HIVEP3: variants seen among roughly 807,000 people sequenced by gnomAD.
The protein encoded by HIVEP3 is HIVEP zinc finger 3.
Under a neutral mutation model 152.8 loss-of-function variants are expected in HIVEP3, and 49 were observed. The observed-to-expected ratio is 0.32, with a 90% confidence interval of 0.26 to 0.41. The LOEUF (loss-of-function observed/expected upper bound fraction) is 0.41, where lower values mean the gene tolerates loss of function less well. HIVEP3 is among the 10% of genes least tolerant of loss of function. HIVEP3 has a pLI of 1.00. For synonymous variants in HIVEP3, 1,269 were observed against 1,289.0 expected, an observed-to-expected ratio of 0.98 and a Z score of 0.33; for missense variants, 2,790 against 3,103.3, an observed-to-expected ratio of 0.90 and a Z score of 2.40.
intron 1 of HIVEP3, among the ~76,000 whole-genome samples, chr1:41,970,540 G>A (rs1324996229): frequency 1.3e-5 from 2 of 152,160 alleles, no homozygotes; most frequent in African/African-American, 4.8e-5. Flanking sequence ...GTTGAGGGGA[G>A]AGAGGCAGGG....
intron 1 of HIVEP3, among the ~76,000 whole-genome samples, chr1:41,719,560 T>A (rs971349984): frequency 6.6e-6 from 1 of 152,256 alleles, no homozygotes; most frequent in Admixed American, 6.5e-5. Context: ...GAGCAGATGT[T>A]CCTGAACTAG....
chr1:41,970,903 A>G (rs1265291322), intron 1 of HIVEP3, among the ~76,000 whole-genome samples: 1 of 152,186 alleles, frequency 6.6e-6, no homozygotes, highest in Non-Finnish European at 1.5e-5. Flanking sequence ...TCCTTGCCCT[A>G]CAGGTTTCAG....
At chr1:41,882,996 G>C (rs181955920) in intron 1 of HIVEP3, among the ~76,000 whole-genome samples, 274 of 152,172 alleles carry the variant, frequency 1.8e-3, no homozygotes, top group African/African-American at 6.4e-3. Flanking sequence ...CTGTCTAGGA[G>C]CGGGGAGCCA....
intron 1 of HIVEP3, among the ~76,000 whole-genome samples, chr1:41,981,283 T>C (rs1365246775): frequency 6.6e-6 from 1 of 152,264 alleles, no homozygotes; most frequent in East Asian, 1.9e-4. Flanking sequence ...ACACCTAAAA[T>C]AGCCCTATAG....
At chr1:42,014,876 G>A (rs890647708) in intron 1 of HIVEP3, among the ~76,000 whole-genome samples, 5 of 152,174 alleles carry the variant, frequency 3.3e-5, no homozygotes, top group Non-Finnish European at 7.3e-5. Flanking sequence ...AACTCTGAGT[G>A]CATTCCAGGC....
At chr1:42,029,258 T>C (rs1570902587) in intron 1 of HIVEP3, among the ~76,000 whole-genome samples, 1 of 152,286 alleles carries the variant, frequency 6.6e-6, no homozygotes, top group Non-Finnish European at 1.5e-5. Flanking sequence ...CCTGCCCCCA[T>C]CTTCTCTACC....
intron 1 of HIVEP3, among the ~76,000 whole-genome samples, chr1:41,954,554 G>T (rs1645129250): frequency 6.6e-6 from 1 of 152,260 alleles, no homozygotes; most frequent in African/African-American, 2.4e-5. Flanking sequence ...CTGTTTGCAA[G>T]GACAGGCCAG....
intron 1 of HIVEP3, among the ~76,000 whole-genome samples, chr1:41,759,839 T>C (rs753668717): frequency 5.9e-5 from 9 of 152,202 alleles, no homozygotes; most frequent in African/African-American, 1.7e-4. Context: ...GGTTTCCACA[T>C]AGGACCTCAC....
rs531172290 is a variant in HIVEP3 at position 41,907,468 on chromosome 1, G to A, written c.-801+10945C>T. ...ACTACCTAAGACAGCACCCATATGAGGTGCAACCATATGAAGGTTCACTTC... is the reference window on the plus strand; with the variant it reads ...ACTACCTAAGACAGCACCCATATGAAGTGCAACCATATGAAGGTTCACTTC... On this transcript the variant is annotated intron_variant, in intron 1 of 8. Coordinates refer to ENST00000372583, the MANE Select transcript of HIVEP3 (RefSeq NM_024503.5). Among the ~76,000 whole-genome samples the A allele has an allele frequency of 3.9e-5, 6 of 152,194 alleles. No homozygotes were observed. The South Asian group carries it at 6.2e-4, about 16-fold the overall frequency.
chr1:41,708,944 C>T lies in HIVEP3; in HGVS notation c.-800-7949G>A, dbSNP rs370319249. ...ATTTTCCAGTGATTGGCTCATATGA[C>T]TCAGTTCTGGTCAGCGGGGTAAATT... is the stretch of plus-strand genomic sequence containing the variant. On this transcript the variant is annotated intron_variant, in intron 1 of 8. Coordinates refer to ENST00000372583, the MANE Select transcript of HIVEP3 (RefSeq NM_024503.5). Among the ~76,000 whole-genome samples the T allele has an allele frequency of 3.3e-4, 51 of 152,304 alleles. No individual in the cohort carries two copies. The East Asian group carries it at 5.8e-3, about 17-fold the overall frequency.
chr1:41,806,455 C>A (rs1368827591), intron 1 of HIVEP3, among the ~76,000 whole-genome samples: 1 of 152,238 alleles, frequency 6.6e-6, no homozygotes, highest in East Asian at 1.9e-4. Context: ...CCTGCTATGC[C>A]ACTTACACTC....
chr1:41,792,201 C>G lies in HIVEP3; in HGVS notation c.-800-91206G>C, dbSNP rs143842976. Among the ~76,000 whole-genome samples the G allele has an allele frequency of 2.0e-5, 3 of 152,336 alleles. 1 individual carries two copies. Among genetic ancestry groups the G allele is most frequent in the African/African-American group, 7.2e-5 (3 of 41,590 alleles). On this transcript the variant is annotated intron_variant, in intron 1 of 8. Transcript: ENST00000372583. Reference sequence around the variant, plus strand: ...GCATGTAGCCCAGGACCTGGGAACACTGAGCACAAGTAAAGTTGTTCAGGG... The same window carrying G: ...GCATGTAGCCCAGGACCTGGGAACAGTGAGCACAAGTAAAGTTGTTCAGGG...
chr1:41,680,394 T>C (rs1646020425), intron 2 of HIVEP3, among the ~76,000 whole-genome samples: 3 of 152,108 alleles, frequency 2.0e-5, no homozygotes, highest in African/African-American at 7.2e-5. Context: ...GTGGGAAGGA[T>C]TGGGGGCAGT....
At chr1:41,734,942 G>C (rs1646894634) in intron 1 of HIVEP3, among the ~76,000 whole-genome samples, 1 of 152,180 alleles carries the variant, frequency 6.6e-6, no homozygotes, top group Admixed American at 6.5e-5. Flanking sequence ...GGTATTCAGG[G>C]TGTTGTCTGT....
intron 1 of HIVEP3, among the ~76,000 whole-genome samples, chr1:42,014,027 G>A (rs1290652534): frequency 6.6e-6 from 1 of 152,158 alleles, no homozygotes; most frequent in Admixed American, 6.6e-5. Flanking sequence ...TGTGCCCCTG[G>A]CATAATGCCC....
Position 41,533,338 on chromosome 1 carries a change from G to C in HIVEP3, c.5208-8428C>G, listed in dbSNP as rs904666850. Reference sequence around the variant, plus strand: ...CACTGTCCTCTCCCACAGCTTCCCAGCAGTGTCATTGCCTCCCTCTCCTAG... The same window carrying C: ...CACTGTCCTCTCCCACAGCTTCCCACCAGTGTCATTGCCTCCCTCTCCTAG... On this transcript the variant is annotated intron_variant, in intron 5 of 8. Transcript: ENST00000372583. This position sits in a 1 kb window ranked among gnomAD's most constrained non-coding sequence, Gnocchi z 4.3. Among the ~76,000 whole-genome samples, 37 of 152,022 alleles carry C rather than the reference G, an allele frequency of 2.4e-4. No homozygotes were observed. The highest frequency in any genetic ancestry group is 8.9e-4 in the African/African-American group (37 of 41,394).
chr1:41,625,076 T>C (rs1363655102), intron 3 of HIVEP3, among the ~76,000 whole-genome samples: 2 of 134,588 alleles, frequency 1.5e-5, no homozygotes, highest in African/African-American at 5.6e-5. Flanking sequence ...GGCAGGAAAA[T>C]AGCTTGAACC....
chr1:41,527,054 A>ACACACCCT, intron 5 of HIVEP3, among the ~76,000 whole-genome samples: 1 of 50,600 alleles, frequency 2.0e-5, no homozygotes, highest in Non-Finnish European at 3.6e-5. Context: ...CCTCTTCCTC[A>ACACACCCT]CACACACCCT....
At chr1:41,703,042 A>G (rs1646385917) in intron 1 of HIVEP3, among the ~76,000 whole-genome samples, 1 of 152,172 alleles carries the variant, frequency 6.6e-6, no homozygotes, top group African/African-American at 2.4e-5. Flanking sequence ...TCCATCTGCT[A>G]CCTCATTTAG....
Sources: allele counts gnomAD v4.1 joint callset (sites outside exome capture counted in the v4.1 genomes callset), GRCh38; gene constraint gnomAD v4.1.1; non-coding constraint Gnocchi (gnomAD v3.1); transcripts MANE v1.5; gene names NCBI Gene and HGNC (gene_info 2026-07-23, HGNC 2026-07-21).